RNGTT: variants seen among roughly 807,000 people sequenced by gnomAD.
RNGTT encodes mRNA-capping enzyme.
RNGTT carries 33 observed loss-of-function variants against 79.3 expected under a neutral mutation model. The observed-to-expected ratio is 0.42, with a 90% CI of 0.32 to 0.56. The LOEUF is 0.56. RNGTT is among the 20% of genes least tolerant of loss of function. RNGTT has a pLI of 0.17. For missense variants in RNGTT, 497 were observed against 739.1 expected, an observed-to-expected ratio of 0.67 and a Z score of 3.80; for synonymous variants, 222 against 235.9, an observed-to-expected ratio of 0.94 and a Z score of 0.54.
intron 8 of RNGTT, among the ~76,000 whole-genome samples, chr6:88,872,488 A>C (rs1384618534): frequency 6.6e-6 from 1 of 152,222 alleles, no homozygotes; most frequent in Non-Finnish European, 1.5e-5. Context: ...GACTATAGTC[A>C]ACAATAACTT....
chr6:88,733,346 G>C (rs1306224428), intron 13 of RNGTT, among the ~76,000 whole-genome samples: 1 of 151,628 alleles, frequency 6.6e-6, no homozygotes, highest in Non-Finnish European at 1.5e-5. Context: ...GCAACAGAGA[G>C]AGACTCTGTC....
At chr6:88,783,908 T>C (rs1779146067) in intron 12 of RNGTT, among the ~76,000 whole-genome samples, 1 of 152,194 alleles carries the variant, frequency 6.6e-6, no homozygotes, top group South Asian at 2.1e-4. Context: ...TCATTCTTTT[T>C]TTTTAAACCA....
chr6:88,800,214 A>G (rs1779740182), intron 12 of RNGTT, among the ~76,000 whole-genome samples: 1 of 152,234 alleles, frequency 6.6e-6, no homozygotes, highest in Non-Finnish European at 1.5e-5. Context: ...GCTTAGGACC[A>G]GAAGTGGTTT....
rs182847681 is a variant in RNGTT at position 88,782,166 on chromosome 6, C to T, written c.1339-12292G>A. On this transcript the variant is annotated intron_variant, in intron 12 of 15. Transcript: ENST00000369485. ...CATCGACTGAGTTTTTCACTTTTCA[C>T]CAGTTACTGGTTTGAGTGTTCTTAA... 2.4e-3 allele frequency among the ~76,000 whole-genome samples: 362 copies of T among 152,142 alleles called. 3 individuals carry two copies. Among genetic ancestry groups the T allele is most frequent in the African/African-American group, 8.1e-3 (335 of 41,422 alleles).
intron 4 of RNGTT, among the ~76,000 whole-genome samples, chr6:88,913,989 G>T (rs937538047): frequency 1.3e-5 from 2 of 151,972 alleles, no homozygotes; most frequent in African/African-American, 4.8e-5. Context: ...ATAAACCAAT[G>T]ATGTTCAACC....
intron 13 of RNGTT, among the ~76,000 whole-genome samples, chr6:88,682,891 T>C (rs1775144434): frequency 2.0e-5 from 3 of 152,188 alleles, no homozygotes; most frequent in South Asian, 4.1e-4. Context: ...AAATAACCCA[T>C]AGATCAGAGG....
chr6:88,836,993 A>G (rs1258713233), intron 11 of RNGTT, among the ~76,000 whole-genome samples: 1 of 152,212 alleles, frequency 6.6e-6, no homozygotes, highest in Non-Finnish European at 1.5e-5. Context: ...ATTTTCACAT[A>G]GGAAGTGAAA....
intron 4 of RNGTT, among the ~76,000 whole-genome samples, chr6:88,912,698 C>T (rs1783865126): frequency 6.6e-6 from 1 of 151,932 alleles, no homozygotes; most frequent in Admixed American, 6.6e-5. Context: ...TCTGAAATGA[C>T]AAAGGTGACA....
intron 1 of RNGTT, among the ~76,000 whole-genome samples, chr6:88,957,365 C>G (rs192388204): frequency 9.9e-5 from 15 of 152,204 alleles, no homozygotes; most frequent in Non-Finnish European, 2.1e-4. Context: ...GAAGTCCTCA[C>G]CAGAGCAATC....
At chr6:88,629,762 A>G (rs1326624239) in intron 14 of RNGTT, among the ~76,000 whole-genome samples, 1 of 152,202 alleles carries the variant, frequency 6.6e-6, no homozygotes. Context: ...TATGAAATTA[A>G]GTCTGAGGAT....
At chr6:88,663,056 T>G (rs1411111704) in intron 14 of RNGTT, among the ~76,000 whole-genome samples, 1 of 152,212 alleles carries the variant, frequency 6.6e-6, no homozygotes, top group East Asian at 1.9e-4. Context: ...CTCAAATTGC[T>G]TGATGAATGA....
chr6:88,700,792 C>T (rs547444760), intron 13 of RNGTT, among the ~76,000 whole-genome samples: 8 of 152,120 alleles, frequency 5.3e-5, no homozygotes, highest in African/African-American at 1.9e-4. Flanking sequence ...TATTTAGCCT[C>T]AGTATTTTTG....
chr6:88,836,768 T>G (rs1041144845), intron 11 of RNGTT, among the ~76,000 whole-genome samples: 14 of 152,098 alleles, frequency 9.2e-5, no homozygotes, highest in Non-Finnish European at 2.1e-4. Context: ...GAACTAGGCT[T>G]GGCTTAGGAA....
chr6:88,753,022 A>T (rs1309977957), intron 13 of RNGTT, among the ~76,000 whole-genome samples: 1 of 152,156 alleles, frequency 6.6e-6, no homozygotes, highest in Non-Finnish European at 1.5e-5. Flanking sequence ...AAAAATAAAT[A>T]TAAATAGAAT....
intron 11 of RNGTT, among the ~76,000 whole-genome samples, chr6:88,817,402 G>A (rs1780345954): frequency 6.6e-6 from 1 of 150,772 alleles, no homozygotes. Flanking sequence ...AACGCTTTGG[G>A]AGGCCATGGT....
At chr6:88,769,983 A>C (rs1778594435) in intron 12 of RNGTT, 109 bp from the exon 13 acceptor site, 2 of 675,940 alleles carry the variant, frequency 3.0e-6, no homozygotes, top group African/African-American at 3.6e-5. Context: ...TTCTTTTCTA[A>C]ACATAATTTT....
chr6:88,797,290 C>T (rs949225464), intron 12 of RNGTT, among the ~76,000 whole-genome samples: 1 of 152,116 alleles, frequency 6.6e-6, no homozygotes, highest in Non-Finnish European at 1.5e-5. Context: ...TTAGAGACCA[C>T]TGAAAATAAC....
intron 8 of RNGTT, among the ~76,000 whole-genome samples, chr6:88,883,925 CCATT>C (rs1782775531): frequency 6.6e-6 from 1 of 152,156 alleles, no homozygotes; most frequent in Non-Finnish European, 1.5e-5. Flanking sequence ...ATGTTTGACT[CCATT>C]CAGAATTAAA....
Position 88,726,389 on chromosome 6 carries a change from C to CAA in RNGTT, c.1439+43383_1439+43384dup, listed in dbSNP as rs61210098. ...CATCAGGTCAGAACTATCCTAAGTCCAAAAAAAAAAAAAAAAAAGCAAAAA... is the reference window on the plus strand; with the variant it reads ...CATCAGGTCAGAACTATCCTAAGTCCAAAAAAAAAAAAAAAAAAAAGCAAAAA... On this transcript the variant is annotated intron_variant, in intron 13 of 15. Transcript: ENST00000369485. 4.8e-3 allele frequency among the ~76,000 whole-genome samples: 473 copies of CAA among 99,516 alleles called. 4 individuals carry two copies. The highest frequency in any genetic ancestry group is 0.019 in the African/African-American group (408 of 21,918). The allele number at this position is 99,516 out of a possible 152,430, so 65.3% of individuals were successfully genotyped here. A position where few individuals can be genotyped will look rare whatever the true frequency, so the allele number is the denominator to read the frequency against.
Sources: allele counts gnomAD v4.1 joint callset (sites outside exome capture counted in the v4.1 genomes callset), GRCh38; gene constraint gnomAD v4.1.1; transcripts MANE v1.5; gene names NCBI Gene and HGNC (gene_info 2026-07-23, HGNC 2026-07-21).